The following ANO7 variants were observed in gnomAD, a reference collection of about 807,000 sequenced individuals.
The protein encoded by ANO7 is anoctamin 7, also known as anoctamin-7.
ANO7 carries 114 observed loss-of-function variants against 115.8 expected under a neutral mutation model. The observed-to-expected ratio is 0.98, with a 90% confidence interval of 0.85 to 1.15. ANO7 has a LOEUF of 1.15. Among genes scored for constraint, ANO7 ranks in the 50% most tolerant of loss-of-function variants. The pLI, the probability that ANO7 is intolerant of heterozygous loss-of-function variation, is 0.00. For missense variants in ANO7, 1,302 were observed against 1,201.2 expected, an observed-to-expected ratio of 1.08 and a Z score of -1.24; for synonymous variants, 550 against 498.2, an observed-to-expected ratio of 1.10 and a Z score of -1.38.
chr2:241,217,270 C>T (rs1574792946), intron 19 of ANO7, among the ~76,000 whole-genome samples: 1 of 152,336 alleles, frequency 6.6e-6, no homozygotes, highest in Middle Eastern at 3.4e-3. Flanking sequence ...CTCCACTGAA[C>T]CCTGGACCCC....
rs1356673717 is a variant in ANO7 at position 241,216,113 on chromosome 2, A to C, written c.1847A>C (p.Gln616Pro). 7 of 1,610,986 alleles carry C rather than the reference A, an allele frequency of 4.3e-6. No homozygotes were observed. Among genetic ancestry groups the C allele is most frequent in the South Asian group, 1.1e-5 (1 of 90,740 alleles). The part of the protein sequence containing the change: ...VLIPKLKGWW[Q>P]KFRLRSKKRK... ...CCCAGGAAGCTAAAGGGCTGGTGGC[A>C]GAAGTTCCGGCTTCGCTCCAAGAAG... The change falls in exon 19 of 25, where the codon CAG becomes CCG. Residue 616 changes from glutamine to proline, a missense_variant. Coordinates refer to ENST00000674324, the MANE Select transcript of ANO7 (RefSeq NM_001370694.2).
In ANO7 at chr2:241,218,440, C is replaced by T. The variant is rs1421561067; in HGVS notation, c.2321+59C>T. 7 of 1,203,810 alleles carry T rather than the reference C, an allele frequency of 5.8e-6. No homozygotes were observed. In the South Asian group the frequency reaches 1.6e-4, roughly 27 times the overall value. The allele number at this position is 1,203,810 out of a possible 1,614,324, so 74.6% of individuals were successfully genotyped here. On this transcript the variant is annotated intron_variant, in intron 21 of 24. Coordinates refer to ENST00000674324, the MANE Select transcript of ANO7 (RefSeq NM_001370694.2). The stretch of plus-strand genomic sequence containing the variant: ...CGCACGAGGACGAGGCGGAGCGGGG[C>T]TCGGGTGGGGTGGGGGTGCGGCGGT...
intron 4 of ANO7, among the ~76,000 whole-genome samples, chr2:241,198,556 C>G (rs573746699): frequency 6.6e-6 from 1 of 152,296 alleles, no homozygotes; most frequent in East Asian, 1.9e-4. Context: ...GTCTGCAGGA[C>G]AGTTCTCAGC....
chr2:241,214,657 T>C (rs910004291), intron 17 of ANO7, 148 bp from the exon 18 acceptor site: 46 of 656,920 alleles, frequency 7.0e-5, no homozygotes, highest in Non-Finnish European at 1.1e-4. Context: ...AGTGTTATGG[T>C]GGGAGCATCT....
At chr2:241,231,633 TGCTGGAG>T in the ANO7 span, among the ~76,000 whole-genome samples, 1,139 of 152,198 alleles carry the variant, frequency 7.5e-3, 12 homozygotes, top group African/African-American at 0.026. Flanking sequence ...GGCATCTTTG[TGCTGGAG>T]GCTGGAGGCT....
At chr2:241,190,251 GC>G (rs2068165647) in intron 2 of ANO7, 80 bp downstream of exon 2, 14 of 1,256,612 alleles carry the variant, frequency 1.1e-5, no homozygotes, top group Non-Finnish European at 1.5e-5. Context: ...TGGGCCCAGA[GC>G]CTCTGGGGGT....
intron 4 of ANO7, among the ~76,000 whole-genome samples, chr2:241,197,288 C>CG (rs1202922037): frequency 6.6e-6 from 1 of 152,104 alleles, no homozygotes; most frequent in African/African-American, 2.4e-5. Context: ...TTAGTAGAGA[C>CG]GGGGTTTCAC....
intron 3 of ANO7, 126 bp downstream of exon 3, chr2:241,191,377 G>T: frequency 8.3e-7 from 1 of 1,201,326 alleles, no homozygotes; most frequent in Non-Finnish European, 1.2e-6. Flanking sequence ...CCAGTTGCTT[G>T]GGGATGGGGC....
At chr2:241,219,194 G>A (rs1011208464) in intron 21 of ANO7, among the ~76,000 whole-genome samples, 2 of 152,202 alleles carry the variant, frequency 1.3e-5, no homozygotes, top group African/African-American at 4.8e-5. Flanking sequence ...TGGTTACAAT[G>A]AAGTTTTGCA....
intron 11 of ANO7, among the ~76,000 whole-genome samples, chr2:241,208,865 G>A (rs554409450): frequency 1.3e-5 from 2 of 152,194 alleles, no homozygotes; most frequent in African/African-American, 4.8e-5. Flanking sequence ...AACACAGTCA[G>A]GGGGCTGGGC....
At chr2:241,218,971 G>C (rs561047535) in intron 21 of ANO7, among the ~76,000 whole-genome samples, 2 of 152,344 alleles carry the variant, frequency 1.3e-5, no homozygotes, top group African/African-American at 4.8e-5. Context: ...CCAGGGCCAG[G>C]TGGTGGCGCC....
the ANO7 span, chr2:241,239,650 G>T: frequency 1.2e-6 from 2 of 1,614,206 alleles, no homozygotes; most frequent in Non-Finnish European, 1.7e-6. The surrounding 1 kb of genome is among the most constrained non-coding windows in gnomAD (Gnocchi z 4.6). Flanking sequence ...CCTCCACACA[G>T]TCCTTGGCGC....
intron 1 of ANO7, among the ~76,000 whole-genome samples, chr2:241,189,497 C>A (rs1446109915): frequency 6.6e-6 from 1 of 152,110 alleles, no homozygotes; most frequent in African/African-American, 2.4e-5. Context: ...CAGAGAGAGA[C>A]CCCCGGGGCG....
chr2:241,202,373 C>A, intron 8 of ANO7, 69 bp downstream of exon 8: 2 of 1,451,862 alleles, frequency 1.4e-6, no homozygotes, highest in Non-Finnish European at 1.9e-6. Context: ...TGTTGGCCCC[C>A]AGGGAGGCGG....
chr2:241,197,736 T>C (rs994950132), intron 4 of ANO7, among the ~76,000 whole-genome samples: 1 of 151,244 alleles, frequency 6.6e-6, no homozygotes, highest in African/African-American at 2.4e-5. Flanking sequence ...CTACAACTTC[T>C]GTCTCCTGGG....
chr2:241,231,774 G>A, the ANO7 span, among the ~76,000 whole-genome samples: 1 of 152,228 alleles, frequency 6.6e-6, no homozygotes, highest in Admixed American at 6.5e-5. Context: ...AGCAGACCAA[G>A]CAGACAGTTC....
downstream of ANO7, chr2:241,229,516 CCAGCCGCTGGGT>C: frequency 1.0e-6 from 1 of 987,088 alleles, no homozygotes; most frequent in South Asian, 1.5e-5. Flanking sequence ...TACGGAGGGT[CCAGCCGCTGGGT>C]CAGATTGAGA....
intron 5 of ANO7, among the ~76,000 whole-genome samples, chr2:241,199,649 C>T (rs572336863): frequency 6.6e-6 from 1 of 152,332 alleles, no homozygotes; most frequent in Non-Finnish European, 1.5e-5. Context: ...GTGAACAGTG[C>T]GTGTGCACTG....
intron 13 of ANO7, among the ~76,000 whole-genome samples, chr2:241,209,859 C>T (rs541188077): frequency 5.9e-5 from 9 of 152,202 alleles, no homozygotes; most frequent in African/African-American, 1.7e-4. Context: ...CCCGTGGGTG[C>T]GGGCATGGGG....
Sources: gnomAD v4.1 joint callset for allele counts (sites outside exome capture counted in the v4.1 genomes callset) on GRCh38, gnomAD v4.1.1 for gene constraint, Gnocchi (gnomAD v3.1) non-coding constraint, MANE v1.5 for transcripts, NCBI Gene and HGNC (gene_info 2026-07-23, HGNC 2026-07-21) for gene names.